Variants in SLC5A4 observed in about 807,000 individuals in gnomAD.
The protein encoded by SLC5A4 is solute carrier family 5 member 4.
In SLC5A4, 55 loss-of-function variants were observed where a neutral mutation model predicts 70.3. The observed-to-expected ratio is 0.78, with a 90% CI of 0.63 to 0.98. The LOEUF is 0.98. SLC5A4 is among the 50% of genes least tolerant of loss of function. The probability of loss-of-function intolerance (pLI) is 0.00; values close to 1 mark genes in which losing one functional copy is unlikely to be tolerated. For synonymous variants in SLC5A4, 268 were observed against 305.7 expected (o/e 0.88, Z 1.29); for missense variants, 735 against 839.2 (o/e 0.88, Z 1.53).
intron 13 of SLC5A4, among the ~76,000 whole-genome samples, chr22:32,222,820 T>C (rs1389951124): frequency 6.6e-6 from 1 of 152,216 alleles, no homozygotes; most frequent in Non-Finnish European, 1.5e-5. Context: ...ACATAAAAGC[T>C]ACACATGTTT....
chr22:32,333,258 G>A, the SLC5A4 span, among the ~76,000 whole-genome samples: 1 of 147,040 alleles, frequency 6.8e-6, no homozygotes, highest in Non-Finnish European at 1.5e-5. Flanking sequence ...AACAGGCCAC[G>A]GGGCTCTCTG....
At chr22:32,257,226 A>G (rs373007876), upstream of SLC5A4, among the ~76,000 whole-genome samples, 2 of 152,146 alleles carry the variant, frequency 1.3e-5, no homozygotes, top group African/African-American at 4.8e-5. Flanking sequence ...GATATATTCA[A>G]CTTCTTCATC....
the SLC5A4 span, among the ~76,000 whole-genome samples, chr22:32,336,342 T>C: frequency 9.2e-5 from 14 of 152,360 alleles, no homozygotes; most frequent in Non-Finnish European, 1.9e-4. Context: ...TGGGCCTTTG[T>C]GGAAGCGTCT....
chr22:32,279,193 G>A, the SLC5A4 span, among the ~76,000 whole-genome samples: 7 of 152,336 alleles, frequency 4.6e-5, no homozygotes, highest in South Asian at 2.1e-4. Context: ...GGAGAATGGC[G>A]TGAACCCGGG....
the SLC5A4 span, among the ~76,000 whole-genome samples, chr22:32,290,541 G>T: frequency 1.3e-5 from 2 of 152,042 alleles, no homozygotes; most frequent in Non-Finnish European, 2.9e-5. Flanking sequence ...AAATGCTTTG[G>T]ATATGATTTT....
At chr22:32,261,801 C>T in the SLC5A4 span, among the ~76,000 whole-genome samples, 1 of 152,180 alleles carries the variant, frequency 6.6e-6, no homozygotes, top group Non-Finnish European at 1.5e-5. Flanking sequence ...CATTAACCAT[C>T]CTCACCTCCC....
At chr22:32,235,329 T>G (rs569515483) in intron 7 of SLC5A4, among the ~76,000 whole-genome samples, 1 of 152,246 alleles carries the variant, frequency 6.6e-6, no homozygotes, top group East Asian at 1.9e-4. Context: ...CCTATATTGC[T>G]CTTTGAAATT....
chr22:32,284,657 T>G, the SLC5A4 span: 1 of 152,226 alleles, frequency 6.6e-6, no homozygotes, highest in Non-Finnish European at 1.5e-5. Flanking sequence ...TTCCACCATA[T>G]TCTATTGATC....
the SLC5A4 span, among the ~76,000 whole-genome samples, chr22:32,306,731 C>T: frequency 6.6e-6 from 1 of 152,172 alleles, no homozygotes; most frequent in Non-Finnish European, 1.5e-5. Context: ...GGTCTCCTGC[C>T]TTGTTAAGGT....
At chr22:32,282,954 A>T in the SLC5A4 span, among the ~76,000 whole-genome samples, 1 of 152,186 alleles carries the variant, frequency 6.6e-6, no homozygotes. Context: ...TGCTCTCAGC[A>T]CTGCAGTCAG....
chr22:32,242,687 C>T (rs1016133236), intron 5 of SLC5A4, among the ~76,000 whole-genome samples: 12 of 151,532 alleles, frequency 7.9e-5, no homozygotes, highest in Admixed American at 3.9e-4. Context: ...CCAGCCTGGG[C>T]GACAGAGTGA....
the SLC5A4 span, among the ~76,000 whole-genome samples, chr22:32,310,794 G>A: frequency 5.3e-5 from 8 of 152,242 alleles, no homozygotes; most frequent in Non-Finnish European, 1.0e-4. Context: ...CTGTTGAGAG[G>A]ATGAAGAGCC....
chr22:32,241,773 A>ATG (rs1239703688), intron 5 of SLC5A4, among the ~76,000 whole-genome samples: 14 of 140,900 alleles, frequency 9.9e-5, no homozygotes, highest in African/African-American at 3.9e-4. Flanking sequence ...TTACATATAT[A>ATG]TATGTGTGTG....
intron 7 of SLC5A4, among the ~76,000 whole-genome samples, chr22:32,236,501 C>T (rs537663305): frequency 6.6e-6 from 1 of 152,250 alleles, no homozygotes; most frequent in African/African-American, 2.4e-5. Context: ...GTTGTGTATT[C>T]TATGTGTATG....
At chr22:32,336,749 T>C in the SLC5A4 span, among the ~76,000 whole-genome samples, 5 of 152,222 alleles carry the variant, frequency 3.3e-5, no homozygotes, top group African/African-American at 1.2e-4. Context: ...TATTCACCCT[T>C]TGGCTGAAGA....
intron 7 of SLC5A4, 55 bp from the exon 8 acceptor site, chr22:32,235,148 T>A (rs1925992064): frequency 7.7e-7 from 1 of 1,297,534 alleles, no homozygotes; most frequent in East Asian, 2.3e-5. Context: ...AGACATCCAA[T>A]GTTTATGATG....
intron 6 of SLC5A4, among the ~76,000 whole-genome samples, chr22:32,237,673 A>C (rs892993994): frequency 6.6e-6 from 1 of 152,302 alleles, no homozygotes; most frequent in Non-Finnish European, 1.5e-5. Context: ...ACCTGCTCTA[A>C]AATATCTAGT....
At chr22:32,310,939 G>A in the SLC5A4 span, among the ~76,000 whole-genome samples, 1 of 152,160 alleles carries the variant, frequency 6.6e-6, no homozygotes, top group African/African-American at 2.4e-5. Flanking sequence ...CCTTCCCTCT[G>A]GGTCCCAGCC....
chr22:32,320,174 G>A, the SLC5A4 span, among the ~76,000 whole-genome samples: 1 of 152,186 alleles, frequency 6.6e-6, no homozygotes, highest in South Asian at 2.1e-4. Context: ...AGACAAAAGG[G>A]AGCATCCGCA....
Sources: allele counts gnomAD v4.1 joint callset (sites outside exome capture counted in the v4.1 genomes callset), GRCh38; gene constraint gnomAD v4.1.1; transcripts MANE v1.5; gene names NCBI Gene and HGNC (gene_info 2026-07-23, HGNC 2026-07-21).